KANK1: variants seen among roughly 807,000 people sequenced by gnomAD.
KANK1 encodes the protein KN motif and ankyrin repeat domain-containing protein 1.
Under a neutral mutation model 106.2 loss-of-function variants are expected in KANK1, and 109 were observed. The observed-to-expected ratio is 1.03, with a 90% CI of 0.88 to 1.20. The LOEUF is 1.20. KANK1 is among the 50% of genes most tolerant of loss of function. The pLI is 0.00. For missense variants in KANK1, 2,399 were observed against 1,710.7 expected (o/e 1.40, Z -7.10); for synonymous variants, 873 against 652.2 (o/e 1.34, Z -5.16).
intron 3 of KANK1, among the ~76,000 whole-genome samples, chr9:716,378 T>G (rs1288748161): frequency 6.6e-6 from 1 of 152,228 alleles, no homozygotes; most frequent in East Asian, 1.9e-4. Context: ...AATGTAGATC[T>G]AGAACAAATG....
chr9:712,498 C>T lies in KANK1; in HGVS notation c.1732C>T (p.His578Tyr), dbSNP rs202042142. Reference sequence around the variant, plus strand: ...GATTGTTAAGGAGAGGGTGGAAATGCATGACCGATGTGCTGGGAGGTCTGT... The same window carrying T: ...GATTGTTAAGGAGAGGGTGGAAATGTATGACCGATGTGCTGGGAGGTCTGT... ...WWIVKERVEM[H>Y]DRCAGRSVEM... The change falls in exon 3 of 12, where the codon CAT becomes TAT. Residue 578 changes from histidine (H) to tyrosine (Y), a missense_variant. By Grantham distance (83) the His-to-Tyr change is moderately conservative. Coordinates refer to ENST00000382297, the MANE Select transcript of KANK1 (RefSeq NM_015158.5). 2.2e-4 allele frequency: 353 copies of T among 1,614,142 alleles called. 1 individual carries two copies. The highest frequency in any genetic ancestry group is 2.2e-4 in the East Asian group (10 of 44,862).
chr9:630,235 G>A (rs1835342074), intron 1 of KANK1, among the ~76,000 whole-genome samples: 2 of 150,536 alleles, frequency 1.3e-5, no homozygotes, highest in Non-Finnish European at 1.5e-5. Flanking sequence ...GCAACAGAGC[G>A]AGACTCTGTC....
At chr9:653,910 C>G (rs779119828) in intron 1 of KANK1, among the ~76,000 whole-genome samples, 2 of 152,150 alleles carry the variant, frequency 1.3e-5, no homozygotes, top group Non-Finnish European at 2.9e-5. Context: ...TTTTAAAGCT[C>G]CCATCACACT....
At chr9:516,898 T>G (rs1251608792) in intron 1 of KANK1, among the ~76,000 whole-genome samples, 3 of 151,426 alleles carry the variant, frequency 2.0e-5, no homozygotes, top group African/African-American at 7.4e-5. Context: ...AGTGTAAGTT[T>G]GAACACTTGG....
chr9:737,605 C>G (rs1232602020), intron 7 of KANK1, among the ~76,000 whole-genome samples: 1 of 152,170 alleles, frequency 6.6e-6, no homozygotes, highest in Non-Finnish European at 1.5e-5. Flanking sequence ...CAGAGTGGAG[C>G]TGATGAGAGA....
chr9:641,432 A>G (rs1838406669), intron 1 of KANK1, among the ~76,000 whole-genome samples: 1 of 152,188 alleles, frequency 6.6e-6, no homozygotes, highest in African/African-American at 2.4e-5. Context: ...AGTACTCTGT[A>G]TATCCTTTCC....
intron 1 of KANK1, among the ~76,000 whole-genome samples, chr9:552,332 C>G (rs549446199): frequency 6.6e-6 from 1 of 152,240 alleles, no homozygotes; most frequent in Non-Finnish European, 1.5e-5. Context: ...CAAGGACCTG[C>G]CTAACTAAGG....
intron 1 of KANK1, among the ~76,000 whole-genome samples, chr9:573,656 G>A (rs1057128425): frequency 2.6e-5 from 4 of 151,988 alleles, no homozygotes; most frequent in Non-Finnish European, 4.4e-5. Flanking sequence ...AGTAAGTCGC[G>A]GGCATTTTAT....
intron 1 of KANK1, among the ~76,000 whole-genome samples, chr9:633,348 C>A (rs922269372): frequency 3.3e-5 from 5 of 152,062 alleles, no homozygotes; most frequent in African/African-American, 1.2e-4. Context: ...GTCCCAGCTA[C>A]TTGGGAGGCT....
chr9:740,660 C>A, intron 8 of KANK1, 132 bp from the exon 9 acceptor site: 1 of 981,740 alleles, frequency 1.0e-6, no homozygotes, highest in Non-Finnish European at 1.5e-6. Context: ...CCTTCTAAGT[C>A]ACTCTTGGTC....
intron 1 of KANK1, among the ~76,000 whole-genome samples, chr9:518,733 G>C (rs2059411060): frequency 6.6e-6 from 1 of 151,500 alleles, no homozygotes; most frequent in African/African-American, 2.4e-5. Context: ...GGCTAGAGGA[G>C]CGGAGAAAGG....
Position 517,194 on chromosome 9 carries a change from C to G in KANK1, c.-84+12440C>G, listed in dbSNP as rs557381578. On this transcript the variant is annotated intron_variant, in intron 1 of 11. Coordinates refer to ENST00000382297, the MANE Select transcript of KANK1 (RefSeq NM_015158.5). The stretch of plus-strand genomic sequence containing the variant: ...GCGTGATCTCAGCTACTGCAACTTC[C>G]GACGGTTCAAGCAGTTCTCCTGCCT... Among the ~76,000 whole-genome samples the G allele has an allele frequency of 1.3e-5, 2 of 151,768 alleles. 1 individual carries two copies. The highest frequency in any genetic ancestry group is 4.9e-5 in the African/African-American group (2 of 41,054).
intron 6 of KANK1, 46 bp from the exon 7 acceptor site, chr9:734,702 G>T (rs551783872): frequency 4.4e-6 from 6 of 1,358,216 alleles, no homozygotes; most frequent in South Asian, 3.6e-5. Context: ...AAATAAAAAT[G>T]ATTTTCTTCT....
intron 1 of KANK1, among the ~76,000 whole-genome samples, chr9:652,596 A>G (rs562319461): frequency 6.6e-6 from 1 of 152,342 alleles, no homozygotes; most frequent in African/African-American, 2.4e-5. Flanking sequence ...GTCAAATGAG[A>G]CAAAGATGAA....
In KANK1 at chr9:542,767, A is replaced by C. The variant is rs185127097; in HGVS notation, c.-84+38013A>C. 6.2e-4 allele frequency among the ~76,000 whole-genome samples: 94 copies of C among 152,336 alleles called. 3 individuals are homozygous for C. Among genetic ancestry groups the C allele is most frequent in the Admixed American group, 6.1e-3 (94 of 15,304 alleles). The stretch of plus-strand genomic sequence containing the variant: ...CATTTGCAGCAATATAGATGAACCT[A>C]TTCATAAATGAAATAGCCAGGCACA... On this transcript the variant is annotated intron_variant, in intron 1 of 11. Transcript: ENST00000382297.
At chr9:733,358 A>T (rs10739123) in intron 6 of KANK1, 35 of 152,094 alleles carry the variant, frequency 2.3e-4, no homozygotes, top group Admixed American at 2.0e-3. Flanking sequence ...ACTGCATTAA[A>T]ACAAGGTAAG....
intron 3 of KANK1, among the ~76,000 whole-genome samples, chr9:716,330 G>A (rs890126825): frequency 1.6e-4 from 24 of 152,208 alleles, no homozygotes; most frequent in African/African-American, 5.5e-4. Context: ...AAAGTTGGCT[G>A]ACGTTGTTGT....
At chr9:696,764 G>A (rs138848095) in intron 2 of KANK1, among the ~76,000 whole-genome samples, 1 of 152,152 alleles carries the variant, frequency 6.6e-6, no homozygotes, top group African/African-American at 2.4e-5. Context: ...AGTTGTAGAC[G>A]TTTCCAGGAA....
At chr9:707,491 G>A (rs1824702625) in intron 2 of KANK1, among the ~76,000 whole-genome samples, 1 of 151,014 alleles carries the variant, frequency 6.6e-6, no homozygotes, top group African/African-American at 2.4e-5. Context: ...CCTGGAGACA[G>A]GTCTGGCTGC....
Sources: allele counts gnomAD v4.1 joint callset (sites outside exome capture counted in the v4.1 genomes callset), GRCh38; gene constraint gnomAD v4.1.1; transcripts MANE v1.5; gene names NCBI Gene and HGNC (gene_info 2026-07-23, HGNC 2026-07-21).